Variants in STK24 observed in about 807,000 individuals in gnomAD.
STK24 encodes the protein serine/threonine-protein kinase 24.
In STK24, 21 loss-of-function variants were observed where a neutral mutation model predicts 55.6. The observed-to-expected ratio is 0.38, with a 90% CI of 0.27 to 0.54. The LOEUF (loss-of-function observed/expected upper bound fraction) is 0.54. STK24 is among the 20% of genes least tolerant of loss of function. The pLI is 0.79. For synonymous variants in STK24, 200 were observed against 215.2 expected, an observed-to-expected ratio of 0.93 and a Z score of 0.62; for missense variants, 383 against 538.4, an observed-to-expected ratio of 0.71 and a Z score of 2.86.
chr13:98,490,661 A>G (rs1456129252), intron 2 of STK24, among the ~76,000 whole-genome samples: 1 of 152,132 alleles, frequency 6.6e-6, no homozygotes, highest in East Asian at 1.9e-4. Context: ...GATCATTATT[A>G]GAAAAGAACC....
chr13:98,454,520 G>A (rs1218562380), intron 10 of STK24: 2 of 152,148 alleles, frequency 1.3e-5, no homozygotes, highest in African/African-American at 2.4e-5. Context: ...CATTAGCCAC[G>A]GAGCCTAAGA....
At chr13:98,490,645 C>G (rs574331923) in intron 2 of STK24, among the ~76,000 whole-genome samples, 4 of 152,204 alleles carry the variant, frequency 2.6e-5, no homozygotes, top group Non-Finnish European at 4.4e-5. Context: ...TTCCATTCTC[C>G]CAGGTGATCA....
At position 98,519,297 on chromosome 13, in the gene STK24, C is replaced by A; in HGVS notation, c.219G>T (p.Val73=). 1.2e-6 allele frequency: 2 copies of A among 1,614,218 alleles called. No individual in the cohort carries two copies. The highest frequency in any genetic ancestry group is 1.1e-5 in the South Asian group (1 of 91,078). The change falls in exon 2 of 11, where the codon GTG becomes GTT. Residue 73 remains valine, a synonymous_variant. Coordinates refer to ENST00000539966, the MANE Select transcript of STK24 (RefSeq NM_001032296.4). The part of the protein sequence containing the change: ...EIEDIQQEIT[V]LSQCDSPYVT... ...CATATGGACTGTCACACTGACTCAG[C>A]ACTGTGATTTCTTGTTGAATGTCCT... is the stretch of plus-strand genomic sequence containing the variant.
At chr13:98,470,982 C>A (rs1470497097) in intron 5 of STK24, among the ~76,000 whole-genome samples, 3 of 152,186 alleles carry the variant, frequency 2.0e-5, no homozygotes, top group African/African-American at 7.2e-5. Context: ...CATCTAGAGG[C>A]GTATGTGATG....
At chr13:98,472,990 T>C (rs1412623238) in intron 5 of STK24, among the ~76,000 whole-genome samples, 1 of 151,788 alleles carries the variant, frequency 6.6e-6, no homozygotes, top group Non-Finnish European at 1.5e-5. Context: ...GCCCCGCCAC[T>C]CTCTAGGGAT....
Position 98,453,082 on chromosome 13 carries a change from G to A in STK24, c.*91C>T. ...GCTCCCAGTGGCGCACCTCTTCGGT[G>A]GAGTCAGCGAAGGCTCTCGTTGACT... On this transcript the variant is annotated 3_prime_UTR_variant, in exon 11 of 11. Coordinates refer to ENST00000539966, the MANE Select transcript of STK24 (RefSeq NM_001032296.4). The A allele has an allele frequency of 2.0e-6, 3 of 1,478,206 alleles. No individual in the cohort carries two copies. The South Asian group carries it at 3.5e-5, about 17-fold the overall frequency. The allele number at this position is 1,478,206 out of a possible 1,614,324, so 91.6% of individuals were successfully genotyped here. A position where few individuals can be genotyped will look rare whatever the true frequency, so the allele number is the denominator to read the frequency against.
At chr13:98,566,570 A>G (rs936794075) in intron 1 of STK24, among the ~76,000 whole-genome samples, 34 of 152,256 alleles carry the variant, frequency 2.2e-4, no homozygotes, top group African/African-American at 7.5e-4. Flanking sequence ...GGGTTCACCA[A>G]GAGGCCTGGC....
intron 2 of STK24, among the ~76,000 whole-genome samples, chr13:98,511,165 A>G (rs1239272321): frequency 1.3e-5 from 2 of 152,180 alleles, no homozygotes; most frequent in African/African-American, 4.8e-5. Flanking sequence ...GCCCGGCCCC[A>G]TATTCCCACA....
chr13:98,537,020 C>G (rs1165574005), intron 1 of STK24, among the ~76,000 whole-genome samples: 2 of 152,230 alleles, frequency 1.3e-5, no homozygotes, highest in Non-Finnish European at 2.9e-5. Flanking sequence ...CCCCTTGAAG[C>G]AGCCGCCTCC....
At chr13:98,511,796 TG>T (rs1383819236) in intron 2 of STK24, among the ~76,000 whole-genome samples, 2 of 140,940 alleles carry the variant, frequency 1.4e-5, no homozygotes, top group Non-Finnish European at 3.2e-5. Flanking sequence ...AGGAATTCTT[TG>T]GAACGTTGGC....
rs546725143 is a variant in STK24, at chr13:98,528,198, G to A, written c.43-8725C>T. ...GCTCCCTTCACAGACTACACAGAAC[G>A]GCCATGACCTGGGGGTTTGCCTGGC... On this transcript the variant is annotated intron_variant, in intron 1 of 10. Transcript: ENST00000539966. 1.3e-3 allele frequency among the ~76,000 whole-genome samples: 200 copies of A among 152,240 alleles called. 1 individual carries two copies. The highest frequency in any genetic ancestry group is 7.1e-3 in the South Asian group (34 of 4,812).
intron 1 of STK24, among the ~76,000 whole-genome samples, chr13:98,562,740 C>A (rs1274483591): frequency 6.6e-6 from 1 of 151,690 alleles, no homozygotes; most frequent in Non-Finnish European, 1.5e-5. Context: ...GCGGTGAAAC[C>A]CCGTCTCTAC....
At chr13:98,529,679 GAA>G (rs2139400326) in intron 1 of STK24, among the ~76,000 whole-genome samples, 1 of 152,240 alleles carries the variant, frequency 6.6e-6, no homozygotes, top group African/African-American at 2.4e-5. Context: ...CTGGGGTGAG[GAA>G]AAGACAAACA....
At chr13:98,453,273 TATA>T in intron 10 of STK24, 64 bp from the exon 11 acceptor site, 3 of 1,515,470 alleles carry the variant, frequency 2.0e-6, no homozygotes, top group Non-Finnish European at 2.7e-6. Context: ...CAAAAATTCA[TATA>T]GTAACCAAAA....
rs1311445655 is a variant in STK24 at position 98,515,980 on chromosome 13, C to A, written c.273+3263G>T. Among the ~76,000 whole-genome samples, 5 of 152,326 alleles carry A rather than the reference C, an allele frequency of 3.3e-5. No individual in the cohort carries two copies. The East Asian group carries it at 9.6e-4, about 29-fold the overall frequency. ...ACTATTTCCAGCTCTGTGCCAAAGACCCATTTGTCTTACAAATCCATTTAA... is the reference window on the plus strand; with the variant it reads ...ACTATTTCCAGCTCTGTGCCAAAGAACCATTTGTCTTACAAATCCATTTAA... On this transcript the variant is annotated intron_variant, in intron 2 of 10. Coordinates refer to ENST00000539966, the MANE Select transcript of STK24 (RefSeq NM_001032296.4).
At chr13:98,487,576 G>A (rs1476525113) in intron 2 of STK24, among the ~76,000 whole-genome samples, 1 of 152,100 alleles carries the variant, frequency 6.6e-6, no homozygotes, top group Non-Finnish European at 1.5e-5. Flanking sequence ...ATGCACATAC[G>A]AGCAAATACC....
chr13:98,537,246 G>C (rs1192036968), intron 1 of STK24, among the ~76,000 whole-genome samples: 4 of 152,202 alleles, frequency 2.6e-5, no homozygotes, highest in African/African-American at 9.7e-5. Context: ...TCCTGGGTGA[G>C]GCTGCTGGGA....
At chr13:98,564,395 G>A (rs1566407530) in intron 1 of STK24, among the ~76,000 whole-genome samples, 1 of 152,222 alleles carries the variant, frequency 6.6e-6, no homozygotes, top group East Asian at 1.9e-4. Flanking sequence ...CCTAGGCAGA[G>A]GAAGGCAAGC....
chr13:98,517,561 C>T (rs1205924878), intron 2 of STK24, among the ~76,000 whole-genome samples: 4 of 152,020 alleles, frequency 2.6e-5, no homozygotes, highest in African/African-American at 9.7e-5. Flanking sequence ...ACCCGGGAGG[C>T]GGAGGGGGCA....
Sources: gnomAD v4.1 joint callset for allele counts (sites outside exome capture counted in the v4.1 genomes callset) on GRCh38, gnomAD v4.1.1 for gene constraint, MANE v1.5 for transcripts, NCBI Gene and HGNC (gene_info 2026-07-23, HGNC 2026-07-21) for gene names.